The following AHI1 variants were observed in gnomAD, a reference collection of about 807,000 sequenced individuals.
The protein encoded by AHI1 is jouberin.
Under a neutral mutation model 149.3 loss-of-function variants are expected in AHI1, and 123 were observed. The observed-to-expected ratio is 0.82, with a 90% CI of 0.71 to 0.96. The LOEUF (loss-of-function observed/expected upper bound fraction) is 0.96, where lower values mean the gene tolerates loss of function less well. Among genes scored for constraint, AHI1 ranks in the 40% least tolerant of loss-of-function variants. The probability of loss-of-function intolerance (pLI) is 0.00; values close to 1 mark genes in which losing one functional copy is unlikely to be tolerated. For synonymous variants in AHI1, 475 were observed against 459.8 expected, an observed-to-expected ratio of 1.03 and a Z score of -0.42; for missense variants, 1,439 against 1,422.7, an observed-to-expected ratio of 1.01 and a Z score of -0.18.
chr6:135,474,517 A>T (rs1179271678), intron 5 of AHI1: 1 of 152,096 alleles, frequency 6.6e-6, no homozygotes, highest in Non-Finnish European at 1.5e-5. Context: ...AGACTAGTCA[A>T]ATGCAGTACT....
intron 24 of AHI1, among the ~76,000 whole-genome samples, chr6:135,331,768 C>T (rs1384945623): frequency 6.6e-6 from 1 of 152,174 alleles, no homozygotes; most frequent in Non-Finnish European, 1.5e-5. Flanking sequence ...CAATTGGGCC[C>T]ATAATCATTT....
At chr6:135,390,089 C>G (rs1484355907) in intron 23 of AHI1, among the ~76,000 whole-genome samples, 1 of 152,056 alleles carries the variant, frequency 6.6e-6, no homozygotes, top group East Asian at 1.9e-4. Flanking sequence ...CAAGACAAGT[C>G]TTCTTCCAAT....
At chr6:135,458,532 T>C (rs747184273) in intron 8 of AHI1, among the ~76,000 whole-genome samples, 53 of 152,144 alleles carry the variant, frequency 3.5e-4, no homozygotes, top group Non-Finnish European at 5.9e-4. Context: ...TAGGCAAAGG[T>C]GAAGCCCTGG....
At chr6:135,309,207 A>G (rs1415907960) in intron 26 of AHI1, among the ~76,000 whole-genome samples, 2 of 152,170 alleles carry the variant, frequency 1.3e-5, no homozygotes, top group Non-Finnish European at 2.9e-5. Context: ...TCAGGACTCT[A>G]TTGTTGGGAG....
chr6:135,399,244 C>T (rs139868303), intron 22 of AHI1, among the ~76,000 whole-genome samples: 42 of 152,260 alleles, frequency 2.8e-4, no homozygotes, highest in Middle Eastern at 6.8e-3. Flanking sequence ...GAAGCATAGA[C>T]CCTTCTATTT....
intron 22 of AHI1, among the ~76,000 whole-genome samples, chr6:135,401,314 GTC>G (rs1562676722): frequency 6.6e-6 from 1 of 152,008 alleles, no homozygotes; most frequent in Non-Finnish European, 1.5e-5. Context: ...AAGATTATGT[GTC>G]TCTCTACAAT....
chr6:135,389,916 CA>C (rs1306911120), intron 23 of AHI1, among the ~76,000 whole-genome samples: 5 of 152,222 alleles, frequency 3.3e-5, no homozygotes, highest in African/African-American at 1.2e-4. Context: ...CTTAGTTTTA[CA>C]GCAAGCTTGT....
intron 24 of AHI1, among the ~76,000 whole-genome samples, chr6:135,338,300 CA>C (rs199794648): frequency 0.55 from 52,383 of 94,508 alleles, 10,375 homozygotes; most frequent in Middle Eastern, 0.7. Context: ...AACTCCATCT[CA>C]AAAAAAAAAA....
chr6:135,419,214 T>G (rs1782802686), intron 20 of AHI1, among the ~76,000 whole-genome samples: 1 of 152,134 alleles, frequency 6.6e-6, no homozygotes, highest in South Asian at 2.1e-4. Context: ...TGAGACAGCA[T>G]CTACCAGCAT....
At chr6:135,488,466 A>T (rs980211236) in intron 5 of AHI1, among the ~76,000 whole-genome samples, 1 of 152,192 alleles carries the variant, frequency 6.6e-6, no homozygotes. Context: ...CATGAACTTT[A>T]AAATTGCAGA....
intron 26 of AHI1, among the ~76,000 whole-genome samples, chr6:135,306,677 CTTG>C (rs1419172840): frequency 2.0e-5 from 3 of 152,296 alleles, no homozygotes; most frequent in African/African-American, 7.2e-5. Context: ...AAATGGGCAA[CTTG>C]TTGTGCCCCC....
At chr6:135,430,675 AG>A (rs979024377) in intron 17 of AHI1, among the ~76,000 whole-genome samples, 2 of 151,962 alleles carry the variant, frequency 1.3e-5, no homozygotes, top group Admixed American at 1.3e-4. Context: ...TTAACATACA[AG>A]CTGTCTTAAA....
intron 11 of AHI1, among the ~76,000 whole-genome samples, chr6:135,450,357 G>T (rs188607291): frequency 1.3e-5 from 2 of 152,168 alleles, no homozygotes; most frequent in African/African-American, 4.8e-5. Flanking sequence ...AATTCAGAAC[G>T]TTGTTCAGGA....
At chr6:135,378,147 C>A (rs59978743) in intron 23 of AHI1, among the ~76,000 whole-genome samples, 7,249 of 152,156 alleles carry the variant, frequency 0.048, 576 homozygotes, top group African/African-American at 0.17. Flanking sequence ...TATTAGAAGA[C>A]TGGCTCTGAC....
rs188252634 is a variant in AHI1, at chr6:135,405,206, G to C, written c.2962-229C>G. On this transcript the variant is annotated intron_variant, in intron 21 of 28. Coordinates refer to ENST00000265602, the MANE Select transcript of AHI1 (RefSeq NM_001134831.2). ...CAAATGGCACTGTGAAACTCCCGAG[G>C]GCTCACAGGTTATCTGCCTCAAGAA... 9.2e-4 allele frequency among the ~76,000 whole-genome samples: 140 copies of C among 152,178 alleles called. 1 individual carries two copies. Among genetic ancestry groups the C allele is most frequent in the Non-Finnish European group, 4.0e-4 (27 of 68,012 alleles).
chr6:135,442,271 T>C (rs1199753827), intron 14 of AHI1, among the ~76,000 whole-genome samples: 2 of 152,180 alleles, frequency 1.3e-5, no homozygotes, highest in African/African-American at 4.8e-5. Context: ...ATGTTCCCCA[T>C]GAGATTTATT....
intron 2 of AHI1, among the ~76,000 whole-genome samples, chr6:135,496,296 T>C (rs1795954886): frequency 6.6e-6 from 1 of 152,108 alleles, no homozygotes; most frequent in South Asian, 2.1e-4. Context: ...TTTGTATTTT[T>C]AGTAGAGATG....
intron 5 of AHI1, among the ~76,000 whole-genome samples, chr6:135,488,374 C>T (rs898385263): frequency 3.3e-5 from 5 of 152,050 alleles, no homozygotes; most frequent in Admixed American, 1.3e-4. Context: ...ATTTGTCTCC[C>T]ACTTCACTGA....
In AHI1 at chr6:135,341,741, C is replaced by G. The variant is rs181427762; in HGVS notation, c.3165+16391G>C. 9.4e-3 allele frequency among the ~76,000 whole-genome samples: 1,430 copies of G among 151,474 alleles called. 11 individuals carry two copies. Among genetic ancestry groups the G allele is most frequent in the Non-Finnish European group, 0.015 (1,016 of 67,710 alleles). Reference sequence around the variant, plus strand: ...AACCACTGGGTCCAAAAATAAAACCCCAGGGAAATTACAAGAGAATAAATG... The same window carrying G: ...AACCACTGGGTCCAAAAATAAAACCGCAGGGAAATTACAAGAGAATAAATG... On this transcript the variant is annotated intron_variant, in intron 24 of 28. Transcript: ENST00000265602.
Sources: allele counts gnomAD v4.1 joint callset (sites outside exome capture counted in the v4.1 genomes callset), GRCh38; gene constraint gnomAD v4.1.1; transcripts MANE v1.5; gene names NCBI Gene and HGNC (gene_info 2026-07-23, HGNC 2026-07-21).